C10orf90: variants seen among roughly 807,000 people sequenced by gnomAD.
C10orf90 encodes chromosome 10 open reading frame 90.
Under a neutral mutation model 62.5 loss-of-function variants are expected in C10orf90, and 56 were observed. The observed-to-expected ratio is 0.90, with a 90% CI of 0.72 to 1.12. The LOEUF is 1.12. Among genes scored for constraint, C10orf90 ranks in the 50% most tolerant of loss-of-function variants. The pLI, the probability that C10orf90 is intolerant of heterozygous loss-of-function variation, is 0.00. For missense variants in C10orf90, 970 were observed against 880.4 expected (o/e 1.10, Z -1.29); for synonymous variants, 386 against 340.4 (o/e 1.13, Z -1.47).
At chr10:126,576,076 T>A (rs1844605388) in intron 2 of C10orf90, among the ~76,000 whole-genome samples, 1 of 151,898 alleles carries the variant, frequency 6.6e-6, no homozygotes, top group South Asian at 2.1e-4. Context: ...ATAAATGGGA[T>A]TATACAGCAA....
chr10:126,511,137 G>A (rs544951286), intron 3 of C10orf90, among the ~76,000 whole-genome samples: 3 of 152,178 alleles, frequency 2.0e-5, no homozygotes, highest in Non-Finnish European at 2.9e-5. Context: ...CAGCCTAGGG[G>A]CATTTCATCT....
chr10:126,651,972 G>T (rs1846300174), intron 1 of C10orf90, among the ~76,000 whole-genome samples: 1 of 152,228 alleles, frequency 6.6e-6, no homozygotes, highest in Non-Finnish European at 1.5e-5. Flanking sequence ...TTGGACTGAT[G>T]ATTGGTTGGT....
chr10:126,465,161 A>G (rs1162225229), intron 4 of C10orf90, among the ~76,000 whole-genome samples, 175 bp from the exon 5 acceptor site: 2 of 152,012 alleles, frequency 1.3e-5, no homozygotes, highest in Admixed American at 1.3e-4. Context: ...CTTGAAAGAG[A>G]CTGTGCTTGG....
intron 7 of C10orf90, among the ~76,000 whole-genome samples, chr10:126,447,487 A>G (rs1459841501): frequency 2.0e-5 from 3 of 152,222 alleles, no homozygotes; most frequent in Non-Finnish European, 4.4e-5. Context: ...GGATATAACA[A>G]TTACAAATAT....
At chr10:126,555,377 G>A (rs139307002) in intron 2 of C10orf90, among the ~76,000 whole-genome samples, 1 of 152,180 alleles carries the variant, frequency 6.6e-6, no homozygotes, top group African/African-American at 2.4e-5. Context: ...ATCATACACT[G>A]TTTAAGCTAA....
intron 2 of C10orf90, among the ~76,000 whole-genome samples, chr10:126,551,997 T>C (rs1357334215): frequency 6.6e-6 from 1 of 152,218 alleles, no homozygotes; most frequent in Admixed American, 6.5e-5. Flanking sequence ...TACTGTAAAA[T>C]GGTTAAGAAA....
At chr10:126,445,989 C>T (rs979349520) in intron 7 of C10orf90, among the ~76,000 whole-genome samples, 5 of 151,468 alleles carry the variant, frequency 3.3e-5, no homozygotes, top group African/African-American at 1.2e-4. Context: ...AAACAATGGG[C>T]TTTGGGGTCT....
rs554702235 is a variant in C10orf90 at position 126,456,506 on chromosome 10, G to A, written c.2188+2534C>T. ...TTTTAAGACTTCCATTTAAAAGAAT[G>A]TGAACTTGTAAGGATATTTGTTTCG... On this transcript the variant is annotated intron_variant, in intron 7 of 9. Transcript: ENST00000488181. The surrounding 1 kb of genome is among the most constrained non-coding windows in gnomAD (Gnocchi z 4.9). Among the ~76,000 whole-genome samples the A allele has an allele frequency of 5.3e-5, 8 of 152,174 alleles. No individual in the cohort carries two copies. Among genetic ancestry groups the A allele is most frequent in the Non-Finnish European group, 1.2e-4 (8 of 68,044 alleles).
chr10:126,457,898 A>G (rs1859687001), intron 7 of C10orf90, among the ~76,000 whole-genome samples: 1 of 152,236 alleles, frequency 6.6e-6, no homozygotes, highest in Admixed American at 6.5e-5. Context: ...AGCACTGGTT[A>G]GAGACACATT....
At chr10:126,570,084 C>A (rs1278229381) in intron 2 of C10orf90, among the ~76,000 whole-genome samples, 1 of 152,160 alleles carries the variant, frequency 6.6e-6, no homozygotes. Context: ...AAATGCTCTG[C>A]GGGTGCTGGT....
intron 2 of C10orf90, among the ~76,000 whole-genome samples, chr10:126,539,244 C>A (rs11245024): frequency 0.027 from 4,112 of 152,282 alleles, 87 homozygotes; most frequent in Non-Finnish European, 0.042. Flanking sequence ...AAAAGCAAAT[C>A]GGCTGTGAGT....
chr10:126,646,415 T>C (rs1453680635), intron 2 of C10orf90, 150 bp downstream of exon 2: 1 of 253,628 alleles, frequency 3.9e-6, no homozygotes, highest in Non-Finnish European at 7.8e-6. Context: ...GCTTCAAATC[T>C]TGGCAGAGCC....
chr10:126,589,633 A>G (rs1844940697), intron 2 of C10orf90, among the ~76,000 whole-genome samples: 1 of 152,204 alleles, frequency 6.6e-6, no homozygotes, highest in African/African-American at 2.4e-5. Context: ...GAGAAATAAG[A>G]TACTTTTCAG....
At chr10:126,508,299 T>C (rs934008847) in intron 3 of C10orf90, among the ~76,000 whole-genome samples, 1 of 149,052 alleles carries the variant, frequency 6.7e-6, no homozygotes, top group African/African-American at 2.5e-5. Flanking sequence ...AGCCTAGAAT[T>C]TGTATCTTTC....
At chr10:126,535,776 T>A (rs1864219315) in intron 2 of C10orf90, among the ~76,000 whole-genome samples, 1 of 152,122 alleles carries the variant, frequency 6.6e-6, no homozygotes, top group South Asian at 2.1e-4. Flanking sequence ...CTGAACACCC[T>A]CATTAGAGAG....
chr10:126,503,524 C>T (rs1026567348), intron 4 of C10orf90, among the ~76,000 whole-genome samples: 3 of 152,120 alleles, frequency 2.0e-5, no homozygotes, highest in African/African-American at 7.2e-5. Flanking sequence ...ATCAATGAGG[C>T]TAACTTGAAA....
intron 2 of C10orf90, among the ~76,000 whole-genome samples, chr10:126,547,234 G>A (rs1023328963): frequency 1.4e-4 from 21 of 151,744 alleles, no homozygotes; most frequent in Non-Finnish European, 2.2e-4. Context: ...CCTGGCTAAC[G>A]CGGTGAAACC....
chr10:126,433,132 G>A (rs1021160019), intron 7 of C10orf90, among the ~76,000 whole-genome samples: 4 of 152,106 alleles, frequency 2.6e-5, no homozygotes, highest in African/African-American at 9.7e-5. Flanking sequence ...AAACTGAGTT[G>A]TAAGGGCCAG....
chr10:126,629,283 G>C (rs1845806618), intron 2 of C10orf90, among the ~76,000 whole-genome samples: 1 of 152,174 alleles, frequency 6.6e-6, no homozygotes, highest in Admixed American at 6.5e-5. Flanking sequence ...TTTTTGGCGA[G>C]AGAACTAGAA....
Sources: gnomAD v4.1 joint callset for allele counts (sites outside exome capture counted in the v4.1 genomes callset) on GRCh38, gnomAD v4.1.1 for gene constraint, Gnocchi (gnomAD v3.1) non-coding constraint, MANE v1.5 for transcripts, NCBI Gene and HGNC (gene_info 2026-07-23, HGNC 2026-07-21) for gene names.